TEX9: variants seen among roughly 807,000 people sequenced by gnomAD.
TEX9 encodes testis-expressed protein 9.
In TEX9, 74 loss-of-function variants were observed where a neutral mutation model predicts 59.6. The ratio of observed to expected loss-of-function variants is 1.24; its 90% CI spans 1.03 to 1.51. TEX9 has a LOEUF of 1.51. Among genes scored for constraint, TEX9 ranks in the 40% most tolerant of loss-of-function variants. The probability of loss-of-function intolerance (pLI) is 0.00; values close to 1 mark genes in which losing one functional copy is unlikely to be tolerated. For missense variants in TEX9, 522 were observed against 447.8 expected, an observed-to-expected ratio of 1.17 and a Z score of -1.49; for synonymous variants, 186 against 152.2, an observed-to-expected ratio of 1.22 and a Z score of -1.64.
chr15:56,268,829 G>A (rs1418247924), intron 1 of TEX9, among the ~76,000 whole-genome samples: 1 of 152,152 alleles, frequency 6.6e-6, no homozygotes, highest in Non-Finnish European at 1.5e-5. Context: ...TCAGGATGAT[G>A]TTGGCCTCAT....
intron 4 of TEX9, among the ~76,000 whole-genome samples, chr15:56,388,248 A>G (rs2048049594): frequency 6.6e-6 from 1 of 152,076 alleles, no homozygotes; most frequent in Admixed American, 6.6e-5. Flanking sequence ...TCCTACTAGA[A>G]TATTGGCATT....
intron 10 of TEX9, among the ~76,000 whole-genome samples, chr15:56,422,698 A>G (rs1020042596): frequency 3.9e-5 from 6 of 151,948 alleles, no homozygotes; most frequent in African/African-American, 1.5e-4. Flanking sequence ...AAACATTTTA[A>G]GCATATAGTT....
At chr15:56,434,337 T>A (rs1262244919) in intron 12 of TEX9, 2 of 1,613,530 alleles carry the variant, frequency 1.2e-6, no homozygotes, top group African/African-American at 2.7e-5. Context: ...CAAGGCCATT[T>A]GTTCTTCAAA....
chr15:56,416,567 T>G (rs766357808), intron 10 of TEX9, among the ~76,000 whole-genome samples: 2 of 151,950 alleles, frequency 1.3e-5, no homozygotes, highest in Non-Finnish European at 2.9e-5. Flanking sequence ...GTCTACTTGA[T>G]CATGGTAGAT....
chr15:56,456,616 A>T, the TEX9 span: 1 of 1,215,998 alleles, frequency 8.2e-7, no homozygotes, highest in South Asian at 1.4e-5. Context: ...TAAATGCCTT[A>T]AGGCCAACAA....
At chr15:56,429,267 C>CATAAG in intron 12 of TEX9, 1 of 938,088 alleles carries the variant, frequency 1.1e-6, no homozygotes, top group Non-Finnish European at 1.6e-6. Flanking sequence ...GACTGACAGA[C>CATAAG]ATAAGATTAG....
intron 2 of TEX9, among the ~76,000 whole-genome samples, chr15:56,367,706 T>C (rs2047009692): frequency 6.6e-6 from 1 of 152,252 alleles, no homozygotes; most frequent in Admixed American, 6.5e-5. Flanking sequence ...TCTCCATTTA[T>C]GGGTTTTTAC....
chr15:56,322,315 G>A (rs74018632), intron 1 of TEX9, among the ~76,000 whole-genome samples: 1 of 152,070 alleles, frequency 6.6e-6, no homozygotes, highest in Non-Finnish European at 1.5e-5. Context: ...AGAGTAAGCA[G>A]GGTAACTACC....
chr15:56,369,530 TC>T (rs1328260321), intron 2 of TEX9, among the ~76,000 whole-genome samples: 1 of 152,128 alleles, frequency 6.6e-6, no homozygotes, highest in Non-Finnish European at 1.5e-5. Context: ...TGATGGGGTT[TC>T]GTCATGTTGC....
chr15:56,365,698 CTTCT>C, intron 2 of TEX9, 28 bp downstream of exon 2: 3 of 1,613,570 alleles, frequency 1.9e-6, no homozygotes, highest in Non-Finnish European at 2.5e-6. Flanking sequence ...TGAACTTTTC[CTTCT>C]TTCTTTCATC....
intron 1 of TEX9, among the ~76,000 whole-genome samples, chr15:56,300,039 C>T (rs1273588110): frequency 6.6e-6 from 1 of 152,050 alleles, no homozygotes; most frequent in African/African-American, 2.4e-5. Context: ...GACTTGGCAA[C>T]AGCGAGGTAC....
chr15:56,408,180 C>T (rs1567130403), intron 9 of TEX9, among the ~76,000 whole-genome samples: 1 of 152,132 alleles, frequency 6.6e-6, no homozygotes. Flanking sequence ...CCTCATGTGC[C>T]ATTTTCTCCT....
the TEX9 span, among the ~76,000 whole-genome samples, chr15:56,452,107 T>G: frequency 6.6e-6 from 1 of 152,196 alleles, no homozygotes. Flanking sequence ...TTCTCTCTTC[T>G]CTCCTGTTTG....
At chr15:56,365,388 G>A (rs996933943), upstream of TEX9, 22 of 1,579,392 alleles carry the variant, frequency 1.4e-5, no homozygotes, top group African/African-American at 2.3e-4. Context: ...AGGCAACCGG[G>A]ATGTGGAAAC....
intron 1 of TEX9, among the ~76,000 whole-genome samples, chr15:56,328,400 G>T (rs2046070845): frequency 6.6e-6 from 1 of 152,020 alleles, no homozygotes; most frequent in Non-Finnish European, 1.5e-5. Context: ...GGTGACTATG[G>T]TGATAAAGTA....
intron 1 of TEX9, among the ~76,000 whole-genome samples, chr15:56,265,645 A>C (rs1459191228): frequency 2.0e-5 from 3 of 152,148 alleles, no homozygotes; most frequent in Non-Finnish European, 4.4e-5. Context: ...AGATTTTATA[A>C]AAATTTCCAA....
At chr15:56,443,459 G>T (rs371027660) in intron 12 of TEX9, 1 of 1,591,276 alleles carries the variant, frequency 6.3e-7, no homozygotes, top group Non-Finnish European at 8.5e-7. Flanking sequence ...ATTTCAGCTT[G>T]TTCTTCCTGG....
At chr15:56,366,378 G>A (rs935549425) in intron 2 of TEX9, among the ~76,000 whole-genome samples, 8 of 152,036 alleles carry the variant, frequency 5.3e-5, no homozygotes, top group Non-Finnish European at 1.0e-4. Context: ...AAACTCTCCA[G>A]CTTCACTGGC....
chr15:56,300,507 A>G (rs748078121), intron 1 of TEX9, among the ~76,000 whole-genome samples: 1 of 151,150 alleles, frequency 6.6e-6, no homozygotes, highest in Non-Finnish European at 1.5e-5. Context: ...TGGATTTGCC[A>G]TCTGCTGATT....
Sources: gnomAD v4.1 joint callset for allele counts (sites outside exome capture counted in the v4.1 genomes callset) on GRCh38, gnomAD v4.1.1 for gene constraint, MANE v1.5 for transcripts, NCBI Gene and HGNC (gene_info 2026-07-23, HGNC 2026-07-21) for gene names.